The following NOX4 variants were observed in gnomAD, a reference collection of about 807,000 sequenced individuals.
NOX4 encodes kidney oxidase-1.
Under a neutral mutation model 87.6 loss-of-function variants are expected in NOX4, and 69 were observed. That is an observed-to-expected ratio of 0.79 (90% CI 0.65 to 0.96). The LOEUF is 0.96. NOX4 is among the 40% of genes least tolerant of loss of function. NOX4 has a pLI of 0.00. For missense variants in NOX4, 680 were observed against 681.5 expected (o/e 1.00, Z 0.02); for synonymous variants, 275 against 238.2 (o/e 1.15, Z -1.42).
intron 17 of NOX4, among the ~76,000 whole-genome samples, chr11:89,331,189 T>C (rs1590938435): frequency 6.6e-6 from 1 of 151,982 alleles, no homozygotes; most frequent in South Asian, 2.1e-4. Flanking sequence ...CAAAAAGATA[T>C]CTGGAAAATT....
At chr11:89,459,701 G>A (rs1945364441) in intron 2 of NOX4, among the ~76,000 whole-genome samples, 1 of 152,060 alleles carries the variant, frequency 6.6e-6, no homozygotes, top group African/African-American at 2.4e-5. Flanking sequence ...TCATGGGTAG[G>A]AAGAATCAAT....
intron 2 of NOX4, among the ~76,000 whole-genome samples, chr11:89,468,428 G>A (rs184586302): frequency 3.9e-5 from 6 of 152,276 alleles, no homozygotes; most frequent in Admixed American, 3.9e-4. Context: ...TTGACAAAAG[G>A]TCATTGCCCA....
At chr11:89,574,721 T>C in the NOX4 span, among the ~76,000 whole-genome samples, 1 of 152,212 alleles carries the variant, frequency 6.6e-6, no homozygotes, top group Non-Finnish European at 1.5e-5. Context: ...TTAAACAAAT[T>C]ATTCACTTTA....
chr11:89,490,344 GT>G (rs1946800561), intron 2 of NOX4, 113 bp downstream of exon 2: 1 of 721,668 alleles, frequency 1.4e-6, no homozygotes, highest in Non-Finnish European at 2.4e-6. Flanking sequence ...AACAACAAAG[GT>G]TTTCAAAGTG....
intron 2 of NOX4, among the ~76,000 whole-genome samples, chr11:89,483,617 G>A (rs56125139): frequency 0.22 from 32,247 of 148,148 alleles, 4,767 homozygotes; most frequent in African/African-American, 0.42. Flanking sequence ...GTGGGAGGGG[G>A]TTGGGTAGCT....
At chr11:89,571,442 G>A in the NOX4 span, among the ~76,000 whole-genome samples, 4 of 151,886 alleles carry the variant, frequency 2.6e-5, no homozygotes, top group South Asian at 2.1e-4. Context: ...GACTACAGGC[G>A]CACACCACCA....
At chr11:89,478,793 C>T (rs897495755) in intron 2 of NOX4, among the ~76,000 whole-genome samples, 2 of 152,094 alleles carry the variant, frequency 1.3e-5, no homozygotes, top group African/African-American at 4.8e-5. Flanking sequence ...ACGTTTGACT[C>T]ATTCTTTCAC....
intron 14 of NOX4, among the ~76,000 whole-genome samples, 189 bp from the exon 15 acceptor site, chr11:89,340,360 A>G (rs1207659956): frequency 6.6e-6 from 1 of 152,200 alleles, no homozygotes; most frequent in African/African-American, 2.4e-5. Context: ...TTTAATATGC[A>G]ATATACTGAC....
intron 5 of NOX4, among the ~76,000 whole-genome samples, chr11:89,442,183 G>A (rs1243346706): frequency 6.6e-6 from 1 of 151,136 alleles, no homozygotes; most frequent in Non-Finnish European, 1.5e-5. Flanking sequence ...AGGAATACAA[G>A]AAGAAATAAA....
intron 2 of NOX4, among the ~76,000 whole-genome samples, chr11:89,463,750 G>C (rs953390574): frequency 1.3e-5 from 2 of 149,642 alleles, no homozygotes; most frequent in African/African-American, 5.1e-5. Context: ...ACACCTTAGG[G>C]ATACAGTTTA....
chr11:89,560,988 C>CTATA, the NOX4 span, among the ~76,000 whole-genome samples: 7 of 75,594 alleles, frequency 9.3e-5, no homozygotes, highest in Non-Finnish European at 1.4e-4. Context: ...CTCTCTCTCT[C>CTATA]TCTCTCTCTA....
chr11:89,555,496 GT>G, the NOX4 span, among the ~76,000 whole-genome samples: 1 of 152,128 alleles, frequency 6.6e-6, no homozygotes, highest in Admixed American at 6.6e-5. Flanking sequence ...AAAAAAAAGA[GT>G]TTTTAGTGTG....
chr11:89,569,125 G>A, the NOX4 span, among the ~76,000 whole-genome samples: 72 of 147,728 alleles, frequency 4.9e-4, no homozygotes, highest in African/African-American at 1.6e-3. Flanking sequence ...TAACACCTAG[G>A]AATAAACATT....
At chr11:89,336,571 A>G (rs1291961722) in intron 16 of NOX4, among the ~76,000 whole-genome samples, 2 of 152,018 alleles carry the variant, frequency 1.3e-5, no homozygotes, top group Non-Finnish European at 2.9e-5. Context: ...ACAGAGCATT[A>G]GATCTAAATC....
chr11:89,561,050 C>CAT, the NOX4 span, among the ~76,000 whole-genome samples: 2,132 of 28,472 alleles, frequency 0.075, 93 homozygotes, highest in Non-Finnish European at 0.081. Context: ...ATATATCATA[C>CAT]ATATATATAT....
At chr11:89,438,848 A>G (rs1944285889) in intron 6 of NOX4, among the ~76,000 whole-genome samples, 1 of 50,308 alleles carries the variant, frequency 2.0e-5, no homozygotes, top group Admixed American at 3.8e-4. Context: ...TATATATATT[A>G]TATAATATAT....
chr11:89,474,457 C>CAAAAAAA (rs1946081314), intron 2 of NOX4, among the ~76,000 whole-genome samples: 1 of 60,670 alleles, frequency 1.6e-5, no homozygotes, highest in African/African-American at 1.0e-4. Flanking sequence ...ATCTATAATA[C>CAAAAAAA]CAAAAAAAAA....
chr11:89,445,312 T>C (rs1944649212), intron 4 of NOX4, among the ~76,000 whole-genome samples: 1 of 151,738 alleles, frequency 6.6e-6, no homozygotes, highest in Admixed American at 6.6e-5. Flanking sequence ...TAATGTAAAA[T>C]GTAGAGGGCT....
chr11:89,373,205 C>T (rs1939576303), intron 12 of NOX4, among the ~76,000 whole-genome samples: 1 of 139,196 alleles, frequency 7.2e-6, no homozygotes, highest in African/African-American at 2.7e-5. Context: ...TTAATAATTA[C>T]TGATATCAAA....
Sources: allele counts gnomAD v4.1 joint callset (sites outside exome capture counted in the v4.1 genomes callset), GRCh38; gene constraint gnomAD v4.1.1; transcripts MANE v1.5; gene names NCBI Gene and HGNC (gene_info 2026-07-23, HGNC 2026-07-21).